Variants in TANC2 observed in about 807,000 individuals in gnomAD.
The protein encoded by TANC2 is tetratricopeptide repeat, ankyrin repeat and coiled-coil containing 2.
TANC2 carries 26 observed loss-of-function variants against 210.5 expected under a neutral mutation model. The ratio of observed to expected loss-of-function variants is 0.12; its 90% CI spans 0.09 to 0.17. The LOEUF (loss-of-function observed/expected upper bound fraction) is 0.17. Among genes scored for constraint, TANC2 ranks in the 10% least tolerant of loss-of-function variants. TANC2 has a pLI of 1.00. For synonymous variants in TANC2, 931 were observed against 967.1 expected (o/e 0.96, Z 0.69); for missense variants, 2,129 against 2,608.9 (o/e 0.82, Z 4.01).
intron 1 of TANC2, among the ~76,000 whole-genome samples, chr17:63,008,522 C>T (rs1466638651): frequency 6.6e-6 from 1 of 152,042 alleles, no homozygotes; most frequent in Admixed American, 6.6e-5. Context: ...TAAGAGCAGT[C>T]ATTGAATTGT....
intron 8 of TANC2, among the ~76,000 whole-genome samples, chr17:63,259,601 A>G (rs1469456574): frequency 6.6e-6 from 1 of 152,142 alleles, no homozygotes; most frequent in Non-Finnish European, 1.5e-5. Context: ...TTTACTCACT[A>G]TTAATGAAAA....
chr17:63,290,657 G>A (rs2044356510), intron 9 of TANC2, among the ~76,000 whole-genome samples: 3 of 151,752 alleles, frequency 2.0e-5, no homozygotes, highest in Admixed American at 2.0e-4. Context: ...AAAACCTATT[G>A]TTTCATATAT....
chr17:63,138,317 C>G (rs1251567964), intron 4 of TANC2, among the ~76,000 whole-genome samples: 1 of 152,158 alleles, frequency 6.6e-6, no homozygotes, highest in Non-Finnish European at 1.5e-5. Context: ...TGTTTCAGCT[C>G]TTGGCCTACC....
rs1555641202 is a variant in TANC2 at position 63,358,374 on chromosome 17, A to ATGTGT, written c.2582+2984_2582+2985insTGTGT. ...GAGTGAGAGAGAGAGAGAGAGAGAG[A>ATGTGT]GAGTATGTGTGTGTGTGTGTGTGTG... is the stretch of plus-strand genomic sequence containing the variant. On this transcript the variant is annotated intron_variant, in intron 14 of 27. Transcript: ENST00000689528. Among the ~76,000 whole-genome samples, 235 of 94,710 alleles carry ATGTGT rather than the reference A, an allele frequency of 2.5e-3. 2 individuals are homozygous for ATGTGT. Among genetic ancestry groups the ATGTGT allele is most frequent in the African/African-American group, 6.8e-3 (168 of 24,714 alleles). The allele number at this position is 94,710 out of a possible 152,430, so 62.1% of individuals were successfully genotyped here.
At chr17:63,384,421 A>G (rs1489413632) in intron 15 of TANC2, among the ~76,000 whole-genome samples, 1 of 152,154 alleles carries the variant, frequency 6.6e-6, no homozygotes, top group Non-Finnish European at 1.5e-5. Context: ...GATTTAATTC[A>G]TTAATATATA....
intron 6 of TANC2, among the ~76,000 whole-genome samples, chr17:63,198,189 T>C (rs2145779088): frequency 6.6e-6 from 1 of 152,102 alleles, no homozygotes; most frequent in Non-Finnish European, 1.5e-5. Flanking sequence ...ATAAAACTTT[T>C]CTTCTTTTTT....
At chr17:63,369,298 G>T (rs945319213) in intron 14 of TANC2, among the ~76,000 whole-genome samples, 1 of 152,082 alleles carries the variant, frequency 6.6e-6, no homozygotes, top group Non-Finnish European at 1.5e-5. Flanking sequence ...TTCACCTTTC[G>T]CTCTTTATGG....
chr17:63,271,844 G>T (rs1405779521), intron 9 of TANC2, among the ~76,000 whole-genome samples: 1 of 151,832 alleles, frequency 6.6e-6, no homozygotes, highest in Non-Finnish European at 1.5e-5. Flanking sequence ...TAGATGCTGG[G>T]TATTAGACTT....
intron 2 of TANC2, among the ~76,000 whole-genome samples, chr17:63,014,311 T>C (rs1455907927): frequency 6.6e-6 from 1 of 152,228 alleles, no homozygotes; most frequent in Non-Finnish European, 1.5e-5. Flanking sequence ...TTTGAACATA[T>C]TTAAAATAGG....
chr17:63,034,000 T>C (rs373795548), intron 2 of TANC2, among the ~76,000 whole-genome samples: 17 of 152,336 alleles, frequency 1.1e-4, no homozygotes, highest in African/African-American at 3.8e-4. Context: ...CATCATGATA[T>C]TCGTTTCTGG....
chr17:63,277,753 A>G (rs1567875849), intron 9 of TANC2, among the ~76,000 whole-genome samples: 2 of 152,116 alleles, frequency 1.3e-5, no homozygotes, highest in African/African-American at 4.8e-5. Context: ...AAGATAATGT[A>G]TAAGAACATG....
intron 14 of TANC2, among the ~76,000 whole-genome samples, chr17:63,371,009 G>A (rs138312864): frequency 6.6e-6 from 1 of 152,094 alleles, no homozygotes. Context: ...GTCTCACTAG[G>A]TCTCTTTAAA....
intron 1 of TANC2, among the ~76,000 whole-genome samples, chr17:63,006,698 A>G (rs967701455): frequency 6.6e-6 from 1 of 152,076 alleles, no homozygotes; most frequent in Non-Finnish European, 1.5e-5. Flanking sequence ...GTTTTGTGTT[A>G]TAGTTTGTTT....
intron 5 of TANC2, among the ~76,000 whole-genome samples, chr17:63,177,498 C>A (rs2040630177): frequency 6.6e-6 from 1 of 151,816 alleles, no homozygotes; most frequent in Admixed American, 6.6e-5. Flanking sequence ...AGAATTTTAT[C>A]GTAGTCTGCT....
intron 3 of TANC2, among the ~76,000 whole-genome samples, chr17:63,095,697 C>A (rs1303920314): frequency 6.6e-6 from 1 of 152,090 alleles, no homozygotes; most frequent in Non-Finnish European, 1.5e-5. Flanking sequence ...GGCTCATGAG[C>A]ATACAGGCAA....
At chr17:63,265,630 G>A (rs1598736803) in intron 8 of TANC2, among the ~76,000 whole-genome samples, 1 of 152,116 alleles carries the variant, frequency 6.6e-6, no homozygotes, top group East Asian at 1.9e-4. Context: ...GTAAAATTAG[G>A]GGAATAGTTG....
intron 2 of TANC2, among the ~76,000 whole-genome samples, chr17:63,033,487 A>G (rs1022285389): frequency 4.6e-5 from 7 of 152,164 alleles, no homozygotes; most frequent in African/African-American, 7.2e-5. Flanking sequence ...ATCAAATATT[A>G]TAATAAAAGA....
intron 9 of TANC2, among the ~76,000 whole-genome samples, chr17:63,292,273 A>G (rs186741889): frequency 1.9e-3 from 283 of 152,288 alleles, no homozygotes; most frequent in Non-Finnish European, 3.2e-3. Flanking sequence ...TATTTTAAAG[A>G]TGGGCAGAAA....
At chr17:63,330,862 G>C (rs1444369271) in intron 11 of TANC2, among the ~76,000 whole-genome samples, 1 of 152,156 alleles carries the variant, frequency 6.6e-6, no homozygotes, top group Non-Finnish European at 1.5e-5. Context: ...GATAACCTGA[G>C]GTCAGGAGTT....
Sources: allele counts gnomAD v4.1 joint callset (sites outside exome capture counted in the v4.1 genomes callset), GRCh38; gene constraint gnomAD v4.1.1; transcripts MANE v1.5; gene names NCBI Gene and HGNC (gene_info 2026-07-23, HGNC 2026-07-21).